ZNF90: variants seen among roughly 807,000 people sequenced by gnomAD.
The protein encoded by ZNF90 is zinc finger protein 90.
ZNF90 carries 11 observed loss-of-function variants against 12.0 expected under a neutral mutation model. The observed-to-expected ratio is 0.92, with a 90% CI of 0.58 to 1.52. ZNF90 has a LOEUF of 1.52. ZNF90 is among the 40% of genes most tolerant of loss of function. The pLI is 0.00. For missense variants in ZNF90, 765 were observed against 711.5 expected (o/e 1.08, Z -0.86); for synonymous variants, 232 against 240.1 (o/e 0.97, Z 0.31).
At chr19:20,107,034 C>T in intron 3 of ZNF90, 1 of 452,460 alleles carries the variant, frequency 2.2e-6, no homozygotes, top group Non-Finnish European at 4.4e-6. Flanking sequence ...GGCCTTGTAT[C>T]AGGATGTGGA....
chr19:20,094,164 G>A (rs1308940230), intron 1 of ZNF90, among the ~76,000 whole-genome samples: 4 of 152,244 alleles, frequency 2.6e-5, no homozygotes, highest in African/African-American at 9.6e-5. Context: ...TATGCAGGAG[G>A]TGTGGCTGGG....
rs781863043 is a variant in ZNF90 at position 20,119,047 on chromosome 19, C to A, written c.1493C>A (p.Thr498Lys). Reference protein sequence around the residue: ...KAFKYSSALSTHKIIHSGENP... With the variant: ...KAFKYSSALSKHKIIHSGENP... ...TTCAAGTACTCCTCAGCCCTTAGCA[C>A]ACATAAGATAATTCACAGTGGAGAG... Residue 498 changes from threonine (T) to lysine (K), a missense_variant, in exon 4 of 4, where the codon ACA becomes AAA. Physicochemically the swap from Thr to Lys is moderately conservative, Grantham distance 78. Transcript: ENST00000418063. The A allele has an allele frequency of 6.2e-7, 1 of 1,608,106 alleles. No individual in the cohort carries two copies.
In ZNF90 at chr19:20,119,194, A is replaced by C. The variant is rs2089174372; in HGVS notation, c.1640A>C (p.Lys547Thr). 6.2e-7 allele frequency: 1 copy of C among 1,613,674 alleles called. No individual in the cohort carries two copies. The highest frequency in any genetic ancestry group is 1.3e-5 in the African/African-American group (1 of 74,920). ...YKCEECGKAF[K>T]RSSQLTSHKI... ...TGTGAAGAATGTGGCAAAGCCTTTA[A>C]GCGCTCCTCACAGCTTACTAGTCAT... The change falls in exon 4 of 4, where the codon AAG becomes ACG. Residue 547 changes from lysine (K) to threonine (T), a missense_variant. Physicochemically the swap from Lys to Thr is moderately conservative, Grantham distance 78. Transcript: ENST00000418063.
rs1555706260 is a variant in ZNF90, at chr19:20,119,115, T to C, written c.1561T>C (p.Ser521Pro). The change falls in exon 4 of 4, where the codon TCC (serine) becomes CCC (proline). Residue 521 changes from serine to proline, a missense_variant. Ser to Pro is a moderately conservative substitution (Grantham distance 74). Transcript: ENST00000418063. The part of the protein sequence containing the change: ...CEECGKAFKR[S>P]SVLSKHKIIH... ...AGAATGTGGCAAAGCCTTCAAGCGC[T>C]CCTCAGTCCTTAGTAAACATAAGAT... The C allele has an allele frequency of 1.2e-6, 2 of 1,612,972 alleles. No individual in the cohort carries two copies. Among genetic ancestry groups the C allele is most frequent in the African/African-American group, 2.7e-5 (2 of 74,800 alleles).
chr19:20,119,414 T>C lies in ZNF90; in HGVS notation c.*54T>C. On this transcript the variant is annotated 3_prime_UTR_variant, in exon 4 of 4. Coordinates refer to ENST00000418063, the MANE Select transcript of ZNF90 (RefSeq NM_007138.2). ...GATAATTCATACTGGAGAGAAACCG[T>C]ATAAATGTGATGACTGTTGGAAAGC... 1 of 1,469,600 alleles carries C rather than the reference T, an allele frequency of 6.8e-7. No individual in the cohort carries two copies. Among genetic ancestry groups the C allele is most frequent in the Non-Finnish European group, 9.1e-7 (1 of 1,093,606 alleles). The allele number at this position is 1,469,600 out of a possible 1,614,324, so 91.0% of individuals were successfully genotyped here. A position where few individuals can be genotyped will look rare whatever the true frequency, so the allele number is the denominator to read the frequency against.
chr19:20,090,767 T>C (rs2088896091), intron 1 of ZNF90, among the ~76,000 whole-genome samples: 1 of 152,172 alleles, frequency 6.6e-6, no homozygotes, highest in African/African-American at 2.4e-5. Context: ...AGTGCGTCCA[T>C]ATAAAAGTTC....
intron 3 of ZNF90, among the ~76,000 whole-genome samples, chr19:20,109,842 A>C (rs1262543763): frequency 2.0e-5 from 3 of 148,172 alleles, no homozygotes; most frequent in Non-Finnish European, 4.5e-5. Context: ...CTCTGTCTCC[A>C]AAAAAAAAAG....
chr19:20,088,123 C>T (rs925580306), intron 1 of ZNF90, among the ~76,000 whole-genome samples: 2 of 151,994 alleles, frequency 1.3e-5, no homozygotes, highest in African/African-American at 4.8e-5. Flanking sequence ...GGCTTGGGCT[C>T]AGAGGCCTGA....
intron 1 of ZNF90, among the ~76,000 whole-genome samples, chr19:20,095,461 G>A (rs564614604): frequency 1.6e-4 from 25 of 151,904 alleles, no homozygotes; most frequent in Non-Finnish European, 2.8e-4. Context: ...AATGGAGGGT[G>A]GAAGGTTGCC....
At chr19:20,096,309 C>T (rs926376834) in intron 1 of ZNF90, among the ~76,000 whole-genome samples, 65 of 152,106 alleles carry the variant, frequency 4.3e-4, no homozygotes, top group African/African-American at 1.5e-3. Context: ...AAGGGAGGTC[C>T]CCTGATCCGA....
chr19:20,090,925 TGAA>T (rs1441435311), intron 1 of ZNF90, among the ~76,000 whole-genome samples: 2 of 152,146 alleles, frequency 1.3e-5, no homozygotes, highest in Non-Finnish European at 2.9e-5. Context: ...CTACCTTTCC[TGAA>T]GATTGAGGAT....
chr19:20,100,533 C>T (rs1478670199), intron 1 of ZNF90, among the ~76,000 whole-genome samples: 7 of 152,198 alleles, frequency 4.6e-5, no homozygotes, highest in African/African-American at 1.7e-4. Flanking sequence ...CTGGACTGGC[C>T]TGCTAGCCCA....
At position 20,119,542 on chromosome 19, in the gene ZNF90, C is replaced by T; in HGVS notation, c.*182C>T. 3.3e-6 allele frequency: 2 copies of T among 603,148 alleles called. No homozygotes were observed. The highest frequency in any genetic ancestry group is 2.8e-6 in the Non-Finnish European group (1 of 353,222). 37.4% of individuals were successfully genotyped at this position (603,148 alleles called of 1,614,324 possible). A position where few individuals can be genotyped will look rare whatever the true frequency, so the allele number is the denominator to read the frequency against. On this transcript the variant is annotated 3_prime_UTR_variant, in exon 4 of 4. Coordinates refer to ENST00000418063, the MANE Select transcript of ZNF90 (RefSeq NM_007138.2). Reference sequence around the variant, plus strand: ...AAATCATTTTAAGGAAGTTCTCAACCCTTACTACACATAATTCATACTGGA... The same window carrying T: ...AAATCATTTTAAGGAAGTTCTCAACTCTTACTACACATAATTCATACTGGA...
At chr19:20,112,784 T>C (rs1417361553) in intron 3 of ZNF90, among the ~76,000 whole-genome samples, 1 of 152,206 alleles carries the variant, frequency 6.6e-6, no homozygotes, top group Admixed American at 6.5e-5. Context: ...TTCTCAACTT[T>C]TTTGTTTTTT....
At position 20,104,273 on chromosome 19, in the gene ZNF90, T is replaced by A. The variant is rs1555704157; in HGVS notation, c.38T>A (p.Phe13Tyr). The A allele has an allele frequency of 6.2e-7, 1 of 1,613,890 alleles. No homozygotes were observed. The highest frequency in any genetic ancestry group is 8.5e-7 in the Non-Finnish European group (1 of 1,179,962). ...PLEFRDVAIEFSLEEWHCLDT... is the reference protein window; with the variant it reads ...PLEFRDVAIEYSLEEWHCLDT... ...GAATTTAGAGATGTGGCCATAGAAT[T>A]CTCTCTGGAGGAGTGGCATTGCCTG... The change falls in exon 2 of 4, where the codon TTC becomes TAC. Residue 13 changes from phenylalanine (F) to tyrosine (Y), a missense_variant. Physicochemically the swap from Phe to Tyr is conservative, Grantham distance 22 (BLOSUM62 3). Transcript: ENST00000418063.
intron 3 of ZNF90, among the ~76,000 whole-genome samples, chr19:20,108,061 T>G (rs1172591876): frequency 6.6e-6 from 1 of 152,184 alleles, no homozygotes; most frequent in Non-Finnish European, 1.5e-5. Context: ...GTCTACTCTT[T>G]TCTTCTAAAG....
chr19:20,090,937 A>C (rs1162792800), intron 1 of ZNF90, among the ~76,000 whole-genome samples: 2 of 152,076 alleles, frequency 1.3e-5, no homozygotes, highest in Non-Finnish European at 2.9e-5. Flanking sequence ...AAGATTGAGG[A>C]TGGTAAGGGA....
At position 20,119,550 on chromosome 19, in the gene ZNF90, C is replaced by T. The variant is rs1273650271; in HGVS notation, c.*190C>T. The T allele has an allele frequency of 4.0e-5, 23 of 570,942 alleles. No individual in the cohort carries two copies. The African/African-American group carries it at 4.3e-4, about 11-fold the overall frequency. The allele number at this position is 570,942 out of a possible 1,614,324, so 35.4% of individuals were successfully genotyped here. A position where few individuals can be genotyped will look rare whatever the true frequency, so the allele number is the denominator to read the frequency against. On this transcript the variant is annotated 3_prime_UTR_variant, in exon 4 of 4. Transcript: ENST00000418063. ...TTAAGGAAGTTCTCAACCCTTACTA[C>T]ACATAATTCATACTGGACGGAAACT...
At chr19:20,115,693 G>T (rs1274705991) in intron 3 of ZNF90, among the ~76,000 whole-genome samples, 3 of 151,552 alleles carry the variant, frequency 2.0e-5, no homozygotes, top group Admixed American at 2.0e-4. Flanking sequence ...TAGTTTGTTT[G>T]TTCAGCTTTT....
Sources: allele counts gnomAD v4.1 joint callset (sites outside exome capture counted in the v4.1 genomes callset), GRCh38; gene constraint gnomAD v4.1.1; transcripts MANE v1.5; gene names NCBI Gene and HGNC (gene_info 2026-07-23, HGNC 2026-07-21).